The following ATG9A variants were observed in gnomAD, a reference collection of about 807,000 sequenced individuals.
The protein encoded by ATG9A is autophagy-related protein 9A.
A neutral mutation model predicts 87.1 loss-of-function variants in ATG9A; 21 were observed. That is an observed-to-expected ratio of 0.24 (90% CI 0.17 to 0.35). ATG9A has a LOEUF of 0.35. ATG9A is among the 10% of genes least tolerant of loss of function. ATG9A has a pLI of 1.00. For missense variants in ATG9A, 836 were observed against 1,107.3 expected, an observed-to-expected ratio of 0.76 and a Z score of 3.48; for synonymous variants, 422 against 441.3, an observed-to-expected ratio of 0.96 and a Z score of 0.55.
intron 6 of ATG9A, 23 bp from the exon 7 acceptor site, chr2:219,225,235 G>A (rs766012182): frequency 4.3e-6 from 7 of 1,613,722 alleles, no homozygotes; most frequent in Non-Finnish European, 5.1e-6. Context: ...AAGAAGGGGA[G>A]GAGAGGTGGC....
At position 219,223,947 on chromosome 2, in the gene ATG9A, G is replaced by A. The variant is rs2106440688; in HGVS notation, c.1341C>T (p.Tyr447=). ...LLRVILAHIH[Y]MPDHWQGNAH... ...CATTACCCTGCCAGTGGTCAGGCAT[G>A]TAGTGGATGTGAGCGAGGATCACGC... The change falls in exon 9 of 16, where the codon TAC becomes TAT. Residue 447 remains tyrosine, a synonymous_variant. Coordinates refer to ENST00000361242, the MANE Select transcript of ATG9A (RefSeq NM_001077198.3). The surrounding 1 kb of genome is among the most constrained non-coding windows in gnomAD (Gnocchi z 4.7). 6.2e-7 allele frequency: 1 copy of A among 1,614,224 alleles called. No homozygotes were observed. Among genetic ancestry groups the A allele is most frequent in the South Asian group, 1.1e-5 (1 of 91,090 alleles).
In ATG9A at chr2:219,219,810, A is replaced by G. The variant is rs1950714940; in HGVS notation, c.*637T>C. Reference sequence around the variant, plus strand: ...TTTAGAAACCTTCTTTTTTAGTGTCAAAATATAGCGTTGAGGGGAGCTGGA... The same window carrying G: ...TTTAGAAACCTTCTTTTTTAGTGTCGAAATATAGCGTTGAGGGGAGCTGGA... On this transcript the variant is annotated 3_prime_UTR_variant, in exon 16 of 16. Coordinates refer to ENST00000361242, the MANE Select transcript of ATG9A (RefSeq NM_001077198.3). The G allele has an allele frequency of 1.3e-5, 2 of 152,302 alleles. No homozygotes were observed. The highest frequency in any genetic ancestry group is 1.3e-4 in the Admixed American group (2 of 15,280). 9.4% of individuals were successfully genotyped at this position (152,302 alleles called of 1,614,324 possible). A position where few individuals can be genotyped will look rare whatever the true frequency, so the allele number is the denominator to read the frequency against.
Position 219,224,828 on chromosome 2 carries a change from T to G in ATG9A, c.543A>C (p.Gln181His). 1 of 1,613,646 alleles carries G rather than the reference T, an allele frequency of 6.2e-7. No individual in the cohort carries two copies. Among genetic ancestry groups the G allele is most frequent in the Non-Finnish European group, 8.5e-7 (1 of 1,179,946 alleles). Residue 181 changes from glutamine to histidine, a missense_variant, in exon 8 of 16, where the codon CAA (glutamine) becomes CAC (histidine). Transcript: ENST00000361242. The surrounding 1 kb of genome is among the most constrained non-coding windows in gnomAD (Gnocchi z 7.7). ...PMSALPYCTWQEVQARIVQTQ... is the reference protein window; with the variant it reads ...PMSALPYCTWHEVQARIVQTQ... Reference sequence around the variant, plus strand: ...TCTGCACGATCCGGGCCTGCACTTCTTGCCACGTGCAATACGGAAGGGCAG... The same window carrying G: ...TCTGCACGATCCGGGCCTGCACTTCGTGCCACGTGCAATACGGAAGGGCAG...
At position 219,223,723 on chromosome 2, in the gene ATG9A, G is replaced by A; in HGVS notation, c.1461C>T (p.Pro487=). The A allele has an allele frequency of 6.2e-7, 1 of 1,613,606 alleles. No homozygotes were observed. ...GGCGCAGGCAGAAGATGAGGATGAG[G>A]GGTGTGACAATGGGGCTCAGCAACT... The part of the protein sequence containing the change: ...LEELLSPIVT[P]LILIFCLRPR... The change falls in exon 10 of 16, where the codon CCC becomes CCT. Residue 487 remains proline (P), a synonymous_variant. Transcript: ENST00000361242. This position sits in a 1 kb window ranked among gnomAD's most constrained non-coding sequence, Gnocchi z 4.7.
chr2:219,226,567 A>C (rs1036937301), intron 5 of ATG9A, among the ~76,000 whole-genome samples: 6 of 152,108 alleles, frequency 3.9e-5, no homozygotes, highest in African/African-American at 1.4e-4. Flanking sequence ...ACATGCCTGT[A>C]GTCCCAGCTA....
rs112283816 is a variant in ATG9A at position 219,226,413 on chromosome 2, G to A, written c.212+456C>T. Among the ~76,000 whole-genome samples, 822 of 152,356 alleles carry A rather than the reference G, an allele frequency of 5.4e-3. 11 individuals are homozygous for A. Among genetic ancestry groups the A allele is most frequent in the African/African-American group, 0.019 (770 of 41,584 alleles). On this transcript the variant is annotated intron_variant, in intron 5 of 15. Transcript: ENST00000361242. ...CTTGTAAGAAAGCTTGGCCGGGCGT[G>A]GTGGCTCATGCCTATAATCCCGGCA... is the stretch of plus-strand genomic sequence containing the variant.
rs1483214443 is a variant in ATG9A, at chr2:219,225,135, A to G, written c.452T>C (p.Ile151Thr). Reference sequence around the variant, plus strand: ...CTCCCAGTAGCAGCAAATGTTATAGATGAACTTGATAAGCCGGTGGATCCA... The same window carrying G: ...CTCCCAGTAGCAGCAAATGTTATAGGTGAACTTGATAAGCCGGTGGATCCA... ...VFWIHRLIKF[I>T]YNICCYWEIH... The change falls in exon 7 of 16, where the codon ATC becomes ACC. Residue 151 changes from isoleucine (I) to threonine (T), a missense_variant. Transcript: ENST00000361242. 6.2e-7 allele frequency: 1 copy of G among 1,614,188 alleles called. No individual in the cohort carries two copies. The highest frequency in any genetic ancestry group is 8.5e-7 in the Non-Finnish European group (1 of 1,180,028).
In ATG9A at chr2:219,223,775, G is replaced by A. The variant is rs370775424; in HGVS notation, c.1420-11C>T. The A allele has an allele frequency of 4.8e-5, 77 of 1,613,256 alleles. No individual in the cohort carries two copies. The highest frequency in any genetic ancestry group is 2.5e-4 in the African/African-American group (19 of 74,846). On this transcript the variant is annotated splice_polypyrimidine_tract_variant and intron_variant, in intron 9 of 15. Coordinates refer to ENST00000361242, the MANE Select transcript of ATG9A (RefSeq NM_001077198.3). The surrounding 1 kb of genome is among the most constrained non-coding windows in gnomAD (Gnocchi z 4.7). ...TTCCAAAATGAACACCTAAAAGGGC[G>A]GGACCAAGGTCACAAGCGAGCAGGA...
In ATG9A at chr2:219,220,738, G is replaced by T; in HGVS notation, c.2514+9C>A. ...TCTGGCAGTTTTTCCTAGGCCCCGG[G>T]GCCCTTACCTTGTGCACCTGAGGGG... On this transcript the variant is annotated intron_variant, in intron 15 of 15. Transcript: ENST00000361242. 1 of 1,610,820 alleles carries T rather than the reference G, an allele frequency of 6.2e-7. No homozygotes were observed. The highest frequency in any genetic ancestry group is 8.5e-7 in the Non-Finnish European group (1 of 1,178,284).
intron 4 of ATG9A, 96 bp downstream of exon 4, chr2:219,227,674 G>GT: frequency 7.0e-7 from 1 of 1,421,350 alleles, no homozygotes; most frequent in Non-Finnish European, 9.8e-7. Flanking sequence ...CCGTTTCCAG[G>GT]TATTAGAGTC....
Position 219,223,964 on chromosome 2 carries a change from G to A in ATG9A, c.1324C>T (p.Leu442Phe). Residue 442 changes from leucine to phenylalanine, a missense_variant, in exon 9 of 16, where the codon CTC becomes TTC. This residue lies in a region of ATG9A where 512 missense variants were observed against 759.6 expected (regional missense o/e 0.67). Transcript: ENST00000361242. The surrounding 1 kb of genome is among the most constrained non-coding windows in gnomAD (Gnocchi z 4.7). The stretch of plus-strand genomic sequence containing the variant: ...TCAGGCATGTAGTGGATGTGAGCGA[G>A]GATCACGCGGAGCAGCTGCTCAGGG... ...FCPEQLLRVI[L>F]AHIHYMPDHW... is the part of the protein sequence containing the mutation. The A allele has an allele frequency of 6.2e-7, 1 of 1,614,166 alleles. No homozygotes were observed. Among genetic ancestry groups the A allele is most frequent in the Non-Finnish European group, 8.5e-7 (1 of 1,180,006 alleles).
intron 4 of ATG9A, 92 bp downstream of exon 4, chr2:219,227,678 T>A: frequency 6.9e-7 from 1 of 1,455,908 alleles, no homozygotes; most frequent in African/African-American, 1.4e-5. Context: ...TTCCAGGTAT[T>A]AGAGTCAAAC....
Position 219,224,342 on chromosome 2 carries a change from G to A in ATG9A, c.1029C>T (p.Phe343=). ...SLYGRCYLRH[F]NELEHELQSR... ...ACTGCAGCTCGTGCTCCAGCTCGTT[G>A]AAGTGGCGGAGGTAGCAGCGGCCAT... is the stretch of plus-strand genomic sequence containing the variant. The change falls in exon 8 of 16, where the codon TTC becomes TTT. Residue 343 remains phenylalanine, a synonymous_variant. Coordinates refer to ENST00000361242, the MANE Select transcript of ATG9A (RefSeq NM_001077198.3). This position sits in a 1 kb window ranked among gnomAD's most constrained non-coding sequence, Gnocchi z 7.7. 1 of 1,613,738 alleles carries A rather than the reference G, an allele frequency of 6.2e-7. No individual in the cohort carries two copies. Among genetic ancestry groups the A allele is most frequent in the Non-Finnish European group, 8.5e-7 (1 of 1,180,032 alleles).
rs1277536079 is a variant in ATG9A at position 219,220,909 on chromosome 2, G to C, written c.2369-17C>G. On this transcript the variant is annotated splice_polypyrimidine_tract_variant and intron_variant, in intron 14 of 15. Coordinates refer to ENST00000361242, the MANE Select transcript of ATG9A (RefSeq NM_001077198.3). ...TGCCAGGATCTGGAGAGACAAGTAAGAGTAAGCATACTCATAGAAGGAACA... is the reference window on the plus strand; with the variant it reads ...TGCCAGGATCTGGAGAGACAAGTAACAGTAAGCATACTCATAGAAGGAACA... 1 of 1,612,856 alleles carries C rather than the reference G, an allele frequency of 6.2e-7. No homozygotes were observed. Among genetic ancestry groups the C allele is most frequent in the South Asian group, 1.1e-5 (1 of 91,048 alleles).
chr2:219,224,734 G>A lies in ATG9A; in HGVS notation c.637C>T (p.Leu213Phe), dbSNP rs1424054629. ...LTELDIYHRI[L>F]RFQNYMVALV... ...GCCACCATGTAGTTCTGGAAACGGAGGATGCGGTGGTAGATGTCCAGTTCT... is the reference window on the plus strand; with the variant it reads ...GCCACCATGTAGTTCTGGAAACGGAAGATGCGGTGGTAGATGTCCAGTTCT... Residue 213 changes from leucine to phenylalanine, a missense_variant, in exon 8 of 16, where the codon CTC (leucine) becomes TTC (phenylalanine). By Grantham distance (22) the Leu-to-Phe change is conservative. Transcript: ENST00000361242. This position sits in a 1 kb window ranked among gnomAD's most constrained non-coding sequence, Gnocchi z 7.7. 6.2e-7 allele frequency: 1 copy of A among 1,614,140 alleles called. No homozygotes were observed. Among genetic ancestry groups the A allele is most frequent in the African/African-American group, 1.3e-5 (1 of 74,948 alleles).
At chr2:219,221,922 A>AG in intron 13 of ATG9A, 128 bp downstream of exon 13, 1 of 802,504 alleles carries the variant, frequency 1.2e-6, no homozygotes, top group Non-Finnish European at 2.0e-6. Context: ...TTAGCTAAAA[A>AG]GGATATTAAG....
Position 219,221,195 on chromosome 2 carries a change from C to G in ATG9A, c.2253G>C (p.Arg751=). Residue 751 remains arginine, a synonymous_variant, in exon 14 of 16, where the codon CGG becomes CGC. Transcript: ENST00000361242. The part of the protein sequence containing the change: ...SAPDEGGEGA[R]APQSIPRSAS... ...CAGAGCGAGGGATAGACTGGGGGGC[C>G]CGGGCGCCCTCTCCCCCTTCATCAG... 1 of 1,594,232 alleles carries G rather than the reference C, an allele frequency of 6.3e-7. No homozygotes were observed. Among genetic ancestry groups the G allele is most frequent in the Non-Finnish European group, 8.5e-7 (1 of 1,170,784 alleles).
Position 219,227,966 on chromosome 2 carries a change from G to A in ATG9A, c.59C>T (p.Pro20Leu). 1 of 1,614,166 alleles carries A rather than the reference G, an allele frequency of 6.2e-7. No individual in the cohort carries two copies. Among genetic ancestry groups the A allele is most frequent in the East Asian group, 2.2e-5 (1 of 44,888 alleles). The change falls in exon 3 of 16, where the codon CCA becomes CTA. Residue 20 changes from proline (P) to leucine (L), a missense_variant. Physicochemically the swap from Pro to Leu is moderately conservative, Grantham distance 98. This residue lies in a region of ATG9A where 512 missense variants were observed against 759.6 expected (regional missense o/e 0.67). Coordinates refer to ENST00000361242, the MANE Select transcript of ATG9A (RefSeq NM_001077198.3). Reference sequence around the variant, plus strand: ...GTGCACCAACAGGTCCTCCTCCCCTGGGGGTGAATCACTATAGGAGGCCTC... The same window carrying A: ...GTGCACCAACAGGTCCTCCTCCCCTAGGGGTGAATCACTATAGGAGGCCTC... ...RLEASYSDSPPGEEDLLVHVA... is the reference protein window; with the variant it reads ...RLEASYSDSPLGEEDLLVHVA...
intron 5 of ATG9A, among the ~76,000 whole-genome samples, chr2:219,226,403 G>A (rs1950861359): frequency 6.6e-6 from 1 of 152,220 alleles, no homozygotes; most frequent in Non-Finnish European, 1.5e-5. Context: ...AAGAAAGCTT[G>A]GCCGGGCGTG....
Sources: gnomAD v4.1 joint callset for allele counts (sites outside exome capture counted in the v4.1 genomes callset) on GRCh38, gnomAD v4.1.1 for gene constraint, gnomAD v4.1.1 regional missense constraint, Gnocchi (gnomAD v3.1) non-coding constraint, MANE v1.5 for transcripts, NCBI Gene and HGNC (gene_info 2026-07-23, HGNC 2026-07-21) for gene names.